SORD: variants seen among roughly 807,000 people sequenced by gnomAD.
SORD encodes the protein sorbitol dehydrogenase, also known as (R,R)-butanediol dehydrogenase.
In SORD, 18 loss-of-function variants were observed where a neutral mutation model predicts 35.6. The observed-to-expected ratio is 0.51, with a 90% CI of 0.35 to 0.75. The LOEUF is 0.75. Ranked by LOEUF, SORD falls within the 30% of genes least tolerant of loss-of-function variation. The probability of loss-of-function intolerance (pLI) is 0.01; values close to 1 mark genes in which losing one functional copy is unlikely to be tolerated. For missense variants in SORD, 250 were observed against 390.2 expected (o/e 0.64, Z 3.03); for synonymous variants, 106 against 152.9 (o/e 0.69, Z 2.26).
intron 3 of SORD, among the ~76,000 whole-genome samples, chr15:45,052,960 G>C (rs1446985512): frequency 6.6e-6 from 1 of 152,188 alleles, no homozygotes; most frequent in Non-Finnish European, 1.5e-5. Context: ...GTCATCTCAA[G>C]TATTGAACAA....
At chr15:45,063,833 G>A (rs889633542) in intron 4 of SORD, among the ~76,000 whole-genome samples, 7 of 151,876 alleles carry the variant, frequency 4.6e-5, no homozygotes, top group African/African-American at 1.7e-4. Context: ...TATATAGAAG[G>A]GATACTTCTA....
chr15:45,040,964 T>G (rs1236798110), intron 2 of SORD, among the ~76,000 whole-genome samples: 11 of 152,096 alleles, frequency 7.2e-5, no homozygotes, highest in Admixed American at 7.2e-4. Flanking sequence ...GGGTGGGAGG[T>G]GCTGCATGGG....
Position 45,069,011 on chromosome 15 carries a change from G to A in SORD, c.745G>A (p.Glu249Lys), listed in dbSNP as rs776518780. 4.3e-6 allele frequency: 7 copies of A among 1,611,654 alleles called. No homozygotes were observed. The highest frequency in any genetic ancestry group is 2.2e-5 in the South Asian group (2 of 90,386). ...QLGCKPEVTI[E>K]CTGAEASIQA... ...GGGGTGCAAGCCGGAAGTCACCATC[G>A]AGTGCACGGGGGCAGAGGCCTCCAT... Residue 249 changes from glutamate (E) to lysine (K), a missense_variant, in exon 7 of 9, where the codon GAG (glutamate) becomes AAG (lysine). Glu to Lys is a moderately conservative substitution (Grantham distance 56). Coordinates refer to ENST00000267814, the MANE Select transcript of SORD (RefSeq NM_003104.6).
intron 1 of SORD, among the ~76,000 whole-genome samples, chr15:45,031,802 A>G (rs1892791073): frequency 7.0e-6 from 1 of 142,446 alleles, no homozygotes; most frequent in Non-Finnish European, 1.6e-5. Flanking sequence ...TGGCCACAGC[A>G]GGTGTTGTCA....
In SORD at chr15:45,061,863, C is replaced by T. The variant is rs549923888; in HGVS notation, c.425+637C>T. On this transcript the variant is annotated intron_variant, in intron 4 of 8. Coordinates refer to ENST00000267814, the MANE Select transcript of SORD (RefSeq NM_003104.6). ...CAGCCTGGGCAACAGACCGAGACTC[C>T]GTCTCAAAAAGAAAAACAACAACAA... 7.3e-4 allele frequency among the ~76,000 whole-genome samples: 111 copies of T among 151,868 alleles called. 3 individuals are homozygous for T. Among genetic ancestry groups the T allele is most frequent in the South Asian group, 5.4e-3 (26 of 4,790 alleles).
intron 7 of SORD, chr15:45,070,108 T>G (rs1026652751): frequency 1.3e-5 from 2 of 152,140 alleles, no homozygotes; most frequent in African/African-American, 4.8e-5. Context: ...CATTTTATGC[T>G]GAGGGATTTG....
At position 45,068,838 on chromosome 15, in the gene SORD, G is replaced by A. The variant is rs551559983; in HGVS notation, c.611-39G>A. On this transcript the variant is annotated intron_variant, in intron 6 of 8. Transcript: ENST00000267814. ...CCTAATGAGTCATCAGATTTCTCTT[G>A]TTTGAAAGAATTTTTTTTTTTTTTT... is the stretch of plus-strand genomic sequence containing the variant. 30 of 1,381,270 alleles carry A rather than the reference G, an allele frequency of 2.2e-5. No individual in the cohort carries two copies. The South Asian group carries it at 2.5e-4, about 11-fold the overall frequency. The allele number at this position is 1,381,270 out of a possible 1,614,324, so 85.6% of individuals were successfully genotyped here.
chr15:45,043,893 C>T (rs1472959216), intron 3 of SORD, among the ~76,000 whole-genome samples: 1 of 152,296 alleles, frequency 6.6e-6, no homozygotes, highest in East Asian at 1.9e-4. Flanking sequence ...GAGGAATTCT[C>T]AGCTGTGGCA....
At chr15:45,068,107 A>C in intron 5 of SORD, 74 bp from the exon 6 acceptor site, 1 of 1,137,188 alleles carries the variant, frequency 8.8e-7, no homozygotes, top group Non-Finnish European at 1.3e-6. Flanking sequence ...TATGGTTCCT[A>C]TCCATGGCCT....
chr15:45,031,042 C>CT (rs1428401193), intron 1 of SORD, among the ~76,000 whole-genome samples: 1 of 152,020 alleles, frequency 6.6e-6, no homozygotes, highest in African/African-American at 2.4e-5. Context: ...TAGGGGAGGT[C>CT]GGGGCAGCCA....
chr15:45,030,336 A>C (rs1468321183), intron 1 of SORD, among the ~76,000 whole-genome samples: 5 of 152,252 alleles, frequency 3.3e-5, no homozygotes, highest in African/African-American at 1.2e-4. Flanking sequence ...TTCTCTTTAA[A>C]ACTGCACAAC....
intron 3 of SORD, among the ~76,000 whole-genome samples, chr15:45,043,810 G>A (rs1209954448): frequency 1.3e-5 from 2 of 148,620 alleles, no homozygotes; most frequent in Admixed American, 6.6e-5. Context: ...TGGATATAAT[G>A]TTTGCTTTTT....
chr15:45,056,416 A>C (rs914062117), intron 3 of SORD, among the ~76,000 whole-genome samples: 14 of 152,234 alleles, frequency 9.2e-5, no homozygotes, highest in Non-Finnish European at 1.9e-4. Context: ...ATATCTAGGA[A>C]TCCAACTTAC....
At chr15:45,032,244 T>C (rs568576510) in intron 1 of SORD, among the ~76,000 whole-genome samples, 30 of 151,396 alleles carry the variant, frequency 2.0e-4, no homozygotes, top group East Asian at 1.4e-3. Flanking sequence ...AATGTGAATA[T>C]AGACAACAAT....
intron 1 of SORD, among the ~76,000 whole-genome samples, chr15:45,029,345 A>G (rs1006008597): frequency 1.4e-5 from 2 of 144,040 alleles, no homozygotes; most frequent in African/African-American, 5.6e-5. Context: ...AAGTGATGCA[A>G]GCTTTTTCTT....
chr15:45,032,916 C>T (rs917440702), intron 1 of SORD, among the ~76,000 whole-genome samples: 6 of 151,836 alleles, frequency 4.0e-5, no homozygotes, highest in Admixed American at 2.6e-4. Flanking sequence ...GGGTCTCTTG[C>T]GCCCTGCAGG....
chr15:45,054,833 G>A (rs1450463282), intron 3 of SORD, among the ~76,000 whole-genome samples: 1 of 150,650 alleles, frequency 6.6e-6, no homozygotes, highest in Non-Finnish European at 1.5e-5. Flanking sequence ...TAAGGTGTAA[G>A]GAAGGGATCC....
At chr15:45,045,449 C>G (rs1162549267) in intron 3 of SORD, among the ~76,000 whole-genome samples, 4 of 145,720 alleles carry the variant, frequency 2.7e-5, no homozygotes, top group Admixed American at 7.2e-5. Flanking sequence ...AGGAGAATTG[C>G]CTGAACCCAG....
chr15:45,063,834 G>A (rs1277638674), intron 4 of SORD, among the ~76,000 whole-genome samples: 1 of 151,696 alleles, frequency 6.6e-6, no homozygotes, highest in African/African-American at 2.4e-5. Context: ...ATATAGAAGG[G>A]ATACTTCTAG....
Sources: allele counts gnomAD v4.1 joint callset (sites outside exome capture counted in the v4.1 genomes callset), GRCh38; gene constraint gnomAD v4.1.1; transcripts MANE v1.5; gene names NCBI Gene and HGNC (gene_info 2026-07-23, HGNC 2026-07-21).